The following SEZ6L variants were observed in gnomAD, a reference collection of about 807,000 sequenced individuals.
SEZ6L encodes the protein seizure 6-like protein.
Under a neutral mutation model 106.2 loss-of-function variants are expected in SEZ6L, and 37 were observed. The ratio of observed to expected loss-of-function variants is 0.35; its 90% CI spans 0.27 to 0.46. The LOEUF is 0.46. SEZ6L is among the 20% of genes least tolerant of loss of function. The probability of loss-of-function intolerance (pLI) is 1.00; values close to 1 mark genes in which losing one functional copy is unlikely to be tolerated. For missense variants in SEZ6L, 1,172 were observed against 1,332.8 expected (o/e 0.88, Z 1.88); for synonymous variants, 541 against 570.4 (o/e 0.95, Z 0.73).
At chr22:26,173,851 T>C (rs1938793098) in intron 1 of SEZ6L, among the ~76,000 whole-genome samples, 1 of 152,198 alleles carries the variant, frequency 6.6e-6, no homozygotes, top group South Asian at 2.1e-4. Flanking sequence ...GGTCTCCTCA[T>C]CTTAGAAATG....
Position 26,311,869 on chromosome 22 carries a change from G to C in SEZ6L, c.1783G>C (p.Asp595His). The C allele has an allele frequency of 6.2e-7, 1 of 1,614,122 alleles. No individual in the cohort carries two copies. Among genetic ancestry groups the C allele is most frequent in the South Asian group, 1.1e-5 (1 of 91,058 alleles). ...NIGTIVEFTCDPGHSLEQGPA... is the reference protein window; with the variant it reads ...NIGTIVEFTCHPGHSLEQGPA... The stretch of plus-strand genomic sequence containing the variant: ...TGGGACTATAGTGGAGTTCACCTGC[G>C]ACCCCGGCCACTCCCTGGAGCAGGG... The change falls in exon 8 of 17, where the codon GAC (aspartate) becomes CAC (histidine). Residue 595 changes from aspartate to histidine, a missense_variant. Physicochemically the swap from Asp to His is moderately conservative, Grantham distance 81. This residue lies in a region of SEZ6L where 534 missense variants were observed against 691.0 expected (regional missense o/e 0.77). Transcript: ENST00000248933.
intron 12 of SEZ6L, among the ~76,000 whole-genome samples, chr22:26,364,043 A>C (rs770220604): frequency 2.0e-5 from 3 of 152,228 alleles, no homozygotes; most frequent in Non-Finnish European, 2.9e-5. Context: ...TAAGATTTGC[A>C]AGATGAAAAG....
At chr22:26,242,444 C>T (rs1283657040) in intron 1 of SEZ6L, among the ~76,000 whole-genome samples, 2 of 152,188 alleles carry the variant, frequency 1.3e-5, no homozygotes, top group African/African-American at 4.8e-5. Flanking sequence ...GATAGTAAGT[C>T]CAGCTCAAGC....
At chr22:26,231,137 T>A (rs1299240495) in intron 1 of SEZ6L, among the ~76,000 whole-genome samples, 1 of 152,234 alleles carries the variant, frequency 6.6e-6, no homozygotes, top group Non-Finnish European at 1.5e-5. Flanking sequence ...GGCTACCCCA[T>A]AATAGTGTGC....
intron 1 of SEZ6L, among the ~76,000 whole-genome samples, chr22:26,213,198 A>C (rs2078209194): frequency 6.6e-6 from 1 of 152,212 alleles, no homozygotes; most frequent in Admixed American, 6.5e-5. Context: ...TTTTAAAGCA[A>C]AATACCTGCT....
intron 1 of SEZ6L, among the ~76,000 whole-genome samples, chr22:26,174,335 C>T (rs540212731): frequency 4.7e-4 from 71 of 152,262 alleles, no homozygotes; most frequent in Non-Finnish European, 7.8e-4. Flanking sequence ...ACTCTCAGAA[C>T]ACATCACACC....
chr22:26,343,773 CA>C (rs770964275), intron 10 of SEZ6L, among the ~76,000 whole-genome samples: 142 of 152,056 alleles, frequency 9.3e-4, no homozygotes, highest in Non-Finnish European at 1.6e-3. Flanking sequence ...GTTTGGGTAA[CA>C]AAAAAGAGAG....
chr22:26,207,879 G>A (rs1404857738), intron 1 of SEZ6L, among the ~76,000 whole-genome samples: 1 of 150,206 alleles, frequency 6.7e-6, no homozygotes, highest in Non-Finnish European at 1.5e-5. Flanking sequence ...CACAGGCAAT[G>A]TTATAATTTT....
chr22:26,266,441 T>C (rs867290413), intron 1 of SEZ6L, among the ~76,000 whole-genome samples: 144 of 148,488 alleles, frequency 9.7e-4, no homozygotes, highest in African/African-American at 3.1e-3. Context: ...GGCGTGGTGG[T>C]GGGCGCCTGT....
intron 10 of SEZ6L, among the ~76,000 whole-genome samples, chr22:26,345,951 A>C (rs780478438): frequency 3.9e-5 from 6 of 152,166 alleles, no homozygotes; most frequent in Non-Finnish European, 8.8e-5. Flanking sequence ...AGTATGGTTC[A>C]TTTTCACTAA....
intron 1 of SEZ6L, among the ~76,000 whole-genome samples, chr22:26,214,848 G>T (rs1202310200): frequency 6.6e-6 from 1 of 152,154 alleles, no homozygotes; most frequent in Non-Finnish European, 1.5e-5. Context: ...TGGGTGGTGG[G>T]CATGGCATTG....
intron 9 of SEZ6L, among the ~76,000 whole-genome samples, chr22:26,324,058 T>G (rs2082230462): frequency 8.1e-6 from 1 of 123,428 alleles, no homozygotes; most frequent in African/African-American, 3.4e-5. Context: ...CAAAGCCAGT[T>G]TTTAACCACA....
chr22:26,312,046 G>T, intron 8 of SEZ6L, 84 bp downstream of exon 8: 1 of 1,344,612 alleles, frequency 7.4e-7, no homozygotes, highest in Middle Eastern at 2.6e-4. Context: ...CAGCTTAGAG[G>T]CCTGTCCCCA....
rs544283432 is a variant in SEZ6L, at chr22:26,293,165, C to T, written c.835+19C>T. ...GCACCAGGTATGCAGCCCCCAACTC[C>T]TGAAGCCATCCTGAAACAGCCATGA... On this transcript the variant is annotated intron_variant, in intron 2 of 16. Coordinates refer to ENST00000248933, the MANE Select transcript of SEZ6L (RefSeq NM_021115.5). 53 of 1,486,632 alleles carry T rather than the reference C, an allele frequency of 3.6e-5. No homozygotes were observed. In the South Asian group the frequency reaches 6.2e-4, roughly 17 times the overall value. The allele number at this position is 1,486,632 out of a possible 1,614,324, so 92.1% of individuals were successfully genotyped here.
chr22:26,351,657 A>C (rs1023835151), intron 12 of SEZ6L, among the ~76,000 whole-genome samples: 3 of 151,896 alleles, frequency 2.0e-5, no homozygotes, highest in African/African-American at 7.3e-5. Context: ...AGCGATTCTC[A>C]TGCCTCAGCC....
intron 8 of SEZ6L, among the ~76,000 whole-genome samples, chr22:26,313,423 C>A (rs1422036271): frequency 6.6e-6 from 1 of 152,172 alleles, no homozygotes; most frequent in Non-Finnish European, 1.5e-5. Context: ...AGCCACTACT[C>A]ACCCCGCAAA....
intron 9 of SEZ6L, among the ~76,000 whole-genome samples, chr22:26,329,350 T>C (rs588007): frequency 0.4 from 60,305 of 151,816 alleles, 12,696 homozygotes; most frequent in African/African-American, 0.48. Flanking sequence ...TGCCTGTAGT[T>C]CCAGCTACTC....
chr22:26,364,883 G>A (rs2083754708), intron 12 of SEZ6L: 1 of 153,942 alleles, frequency 6.5e-6, no homozygotes, highest in Non-Finnish European at 1.4e-5. Flanking sequence ...TAATGGATGC[G>A]CAGGTTAGGT....
At chr22:26,359,288 C>T (rs2083536441) in intron 12 of SEZ6L, among the ~76,000 whole-genome samples, 1 of 152,170 alleles carries the variant, frequency 6.6e-6, no homozygotes, top group Admixed American at 6.5e-5. Flanking sequence ...GAATCCTCAG[C>T]TCAAATTGCA....
Sources: gnomAD v4.1 joint callset for allele counts (sites outside exome capture counted in the v4.1 genomes callset) on GRCh38, gnomAD v4.1.1 for gene constraint, gnomAD v4.1.1 regional missense constraint, MANE v1.5 for transcripts, NCBI Gene and HGNC (gene_info 2026-07-23, HGNC 2026-07-21) for gene names.